Variants in SLC7A11 observed in about 807,000 individuals in gnomAD.
SLC7A11 encodes cystine/glutamate transporter.
Under a neutral mutation model 54.5 loss-of-function variants are expected in SLC7A11, and 35 were observed. The ratio of observed to expected loss-of-function variants is 0.64; its 90% CI spans 0.49 to 0.85. The LOEUF is 0.85. Ranked by LOEUF, SLC7A11 falls within the 40% of genes least tolerant of loss-of-function variation. The pLI is 0.00. For missense variants in SLC7A11, 583 were observed against 618.1 expected (o/e 0.94, Z 0.60); for synonymous variants, 230 against 225.2 (o/e 1.02, Z -0.19).
In SLC7A11 at chr4:138,199,142, A is replaced by G. The variant is rs79246967; in HGVS notation, c.792-13898T>C. Among the ~76,000 whole-genome samples the G allele has an allele frequency of 7.9e-5, 12 of 152,296 alleles. No individual in the cohort carries two copies. The East Asian group carries it at 2.3e-3, about 29-fold the overall frequency. On this transcript the variant is annotated intron_variant, in intron 6 of 11. Transcript: ENST00000280612. ...ACCAAAGTTAGGAAGAAAAATGCAC[A>G]TTTACATTTATCTCAAGCAATATAA...
chr4:138,186,674 T>C (rs1736888525), intron 6 of SLC7A11, among the ~76,000 whole-genome samples: 1 of 152,120 alleles, frequency 6.6e-6, no homozygotes. Context: ...GGTTGATAAA[T>C]GCTACATTTA....
At chr4:138,195,009 C>A (rs1255533581) in intron 6 of SLC7A11, among the ~76,000 whole-genome samples, 1 of 152,138 alleles carries the variant, frequency 6.6e-6, no homozygotes, top group Non-Finnish European at 1.5e-5. Flanking sequence ...GAATAGGATG[C>A]CAACTTTACA....
intron 2 of SLC7A11, among the ~76,000 whole-genome samples, chr4:138,233,952 AG>A (rs34322730): frequency 0.46 from 70,173 of 151,888 alleles, 16,803 homozygotes; most frequent in Middle Eastern, 0.62. Flanking sequence ...TTCCTTTCCC[AG>A]GGGAAAACTT....
intron 6 of SLC7A11, among the ~76,000 whole-genome samples, chr4:138,207,673 C>T (rs2148433173): frequency 6.6e-6 from 1 of 152,190 alleles, no homozygotes; most frequent in Admixed American, 6.5e-5. Flanking sequence ...CACTGCACTC[C>T]AGCCTGGGCA....
At chr4:138,202,650 G>A (rs1465601009) in intron 6 of SLC7A11, among the ~76,000 whole-genome samples, 2 of 152,116 alleles carry the variant, frequency 1.3e-5, no homozygotes, top group East Asian at 3.9e-4. Context: ...GTACTCGTGT[G>A]TCATCGACAA....
At chr4:138,194,271 C>T (rs961633420) in intron 6 of SLC7A11, among the ~76,000 whole-genome samples, 3 of 151,926 alleles carry the variant, frequency 2.0e-5, no homozygotes, top group Admixed American at 2.0e-4. Context: ...CTCCTGTAAG[C>T]CCTCCCTCTC....
At chr4:138,211,298 C>T (rs76422115) in intron 6 of SLC7A11, among the ~76,000 whole-genome samples, 6,442 of 151,834 alleles carry the variant, frequency 0.042, 192 homozygotes, top group Middle Eastern at 0.055. Flanking sequence ...TACTATGCCC[C>T]ATACCCAACA....
Position 138,219,382 on chromosome 4 carries a change from C to T in SLC7A11, c.647-17G>A, listed in dbSNP as rs1252505663. ...GCGTTTGACCTGTAATTAGAATAGA[C>T]TGATTTTAGGATTTTTCAAAGAATT... On this transcript the variant is annotated splice_polypyrimidine_tract_variant and intron_variant, in intron 4 of 11. Transcript: ENST00000280612. 2.8e-6 allele frequency: 4 copies of T among 1,447,218 alleles called. No individual in the cohort carries two copies. In the African/African-American group the frequency reaches 5.6e-5, roughly 20 times the overall value. The allele number at this position is 1,447,218 out of a possible 1,614,324, so 89.6% of individuals were successfully genotyped here.
intron 5 of SLC7A11, among the ~76,000 whole-genome samples, chr4:138,214,869 C>A (rs1340858366): frequency 6.6e-6 from 1 of 152,098 alleles, no homozygotes; most frequent in Admixed American, 6.6e-5. Flanking sequence ...TTAAGGAGCT[C>A]ATAGCTCATA....
At position 138,164,211 on chromosome 4, in the gene SLC7A11, A is replaced by G. The variant is rs1239819496; in HGVS notation, c.*7745T>C. Reference sequence around the variant, plus strand: ...CAACTAGAAGCGTGACAGGTATAATACATATAAATACAACCAAAATTCAAT... The same window carrying G: ...CAACTAGAAGCGTGACAGGTATAATGCATATAAATACAACCAAAATTCAAT... On this transcript the variant is annotated 3_prime_UTR_variant, in exon 12 of 12. Coordinates refer to ENST00000280612, the MANE Select transcript of SLC7A11 (RefSeq NM_014331.4). The G allele has an allele frequency of 6.6e-6, 1 of 152,462 alleles. No homozygotes were observed. The highest frequency in any genetic ancestry group is 2.4e-5 in the African/African-American group (1 of 41,464). 9.4% of individuals were successfully genotyped at this position (152,462 alleles called of 1,614,324 possible).
intron 4 of SLC7A11, among the ~76,000 whole-genome samples, chr4:138,220,056 C>T (rs545901276): frequency 6.6e-6 from 1 of 151,770 alleles, no homozygotes; most frequent in African/African-American, 2.4e-5. Context: ...TCTCCAGCCT[C>T]AGCCTCCTGA....
chr4:138,237,712 TATATATATATATATATATA>T (rs1738248357), intron 1 of SLC7A11, among the ~76,000 whole-genome samples: 1 of 6,390 alleles, frequency 1.6e-4, no homozygotes, highest in African/African-American at 5.3e-4. Context: ...TATATATATA[TATATATATATATATATATA>T]TATATATTTT....
At position 138,183,288 on chromosome 4, in the gene SLC7A11, T is replaced by G. The variant is rs764771269; in HGVS notation, c.933A>C (p.Leu311=). 3 of 1,610,280 alleles carry G rather than the reference T, an allele frequency of 1.9e-6. No individual in the cohort carries two copies. The African/African-American group carries it at 4.0e-5, about 22-fold the overall frequency. ...NAVAVTFSER[L]LGNFSLAVPI... ...GAACTGCTAATGAGAAATTTCCCAG[T>G]AGCCGCTCAGAAAAGGTCTAGTGAA... The change falls in exon 8 of 12, where the codon CTA becomes CTC. Residue 311 remains leucine, a synonymous_variant. Coordinates refer to ENST00000280612, the MANE Select transcript of SLC7A11 (RefSeq NM_014331.4).
intron 11 of SLC7A11, chr4:138,177,518 A>G (rs1736608232): frequency 6.6e-6 from 1 of 151,156 alleles, no homozygotes; most frequent in Non-Finnish European, 1.5e-5. Context: ...GATCCAGTCT[A>G]GAAAGAGCAT....
At chr4:138,201,619 A>G (rs1197986015) in intron 6 of SLC7A11, among the ~76,000 whole-genome samples, 1 of 152,124 alleles carries the variant, frequency 6.6e-6, no homozygotes, top group East Asian at 1.9e-4. Context: ...TTCCCTCGTG[A>G]GAATGGGTTT....
rs1736394878 is a variant in SLC7A11, at chr4:138,170,317, T to G, written c.*1639A>C. The G allele has an allele frequency of 7.0e-6, 1 of 142,410 alleles. No individual in the cohort carries two copies. Among genetic ancestry groups the G allele is most frequent in the Non-Finnish European group, 1.5e-5 (1 of 65,822 alleles). The allele number at this position is 142,410 out of a possible 1,614,324, so 8.8% of individuals were successfully genotyped here. Reference sequence around the variant, plus strand: ...ACATACACACACATATATATATATATATAATCTTTTTTTTTTGGAGATGGA... The same window carrying G: ...ACATACACACACATATATATATATAGATAATCTTTTTTTTTTGGAGATGGA... On this transcript the variant is annotated 3_prime_UTR_variant, in exon 12 of 12. Coordinates refer to ENST00000280612, the MANE Select transcript of SLC7A11 (RefSeq NM_014331.4).
intron 7 of SLC7A11, 108 bp from the exon 8 acceptor site, chr4:138,183,413 T>C (rs1262277078): frequency 3.9e-5 from 27 of 699,520 alleles, no homozygotes; most frequent in Non-Finnish European, 6.4e-5. Context: ...CTGGTGATAC[T>C]TGTATGTTTT....
intron 6 of SLC7A11, among the ~76,000 whole-genome samples, chr4:138,206,996 C>CAAAAAAAAA (rs369656942): frequency 3.5e-5 from 4 of 113,636 alleles, no homozygotes; most frequent in Non-Finnish European, 5.4e-5. Flanking sequence ...TAAAGAAAAG[C>CAAAAAAAAA]AAAAAAAAAA....
chr4:138,219,280 A>C lies in SLC7A11; in HGVS notation c.732T>G (p.Tyr244Ter), dbSNP rs1304956488. The C allele has an allele frequency of 3.1e-6, 5 of 1,595,650 alleles. No homozygotes were observed. The highest frequency in any genetic ancestry group is 4.3e-6 in the Non-Finnish European group (5 of 1,163,372). ...RLPLAFYYGM[Y>*]AYAGWFYLNF... ...TATCAACTTACCAGCCAGCATATGC[A>C]TACATTCCATAATAAAAAGCCAGTG... Residue 244 changes from tyrosine to a stop codon, truncating the protein, a stop_gained, in exon 5 of 12, where the codon TAT (tyrosine) becomes TAG (stop). Coordinates refer to ENST00000280612, the MANE Select transcript of SLC7A11 (RefSeq NM_014331.4). LOFTEE classifies it high-confidence loss of function.
Sources: allele counts gnomAD v4.1 joint callset (sites outside exome capture counted in the v4.1 genomes callset), GRCh38; gene constraint gnomAD v4.1.1; transcripts MANE v1.5; gene names NCBI Gene and HGNC (gene_info 2026-07-23, HGNC 2026-07-21).